Variants in ZFAND6 observed in about 807,000 individuals in gnomAD.
The protein encoded by ZFAND6 is zinc finger AN1-type containing 6, also known as AN1-type zinc finger protein 6.
Under a neutral mutation model 24.5 loss-of-function variants are expected in ZFAND6, and 12 were observed. That is an observed-to-expected ratio of 0.49 (90% CI 0.31 to 0.79). The LOEUF is 0.79. Among genes scored for constraint, ZFAND6 ranks in the 30% least tolerant of loss-of-function variants. ZFAND6 has a pLI of 0.04. For synonymous variants in ZFAND6, 92 were observed against 81.5 expected, an observed-to-expected ratio of 1.13 and a Z score of -0.69; for missense variants, 207 against 245.9, an observed-to-expected ratio of 0.84 and a Z score of 1.06.
At chr15:80,100,287 C>A (rs752401566) in intron 2 of ZFAND6, among the ~76,000 whole-genome samples, 1 of 152,198 alleles carries the variant, frequency 6.6e-6, no homozygotes, top group Non-Finnish European at 1.5e-5. Context: ...ACACCCTTCC[C>A]TCCTCTTTTT....
Position 80,121,834 on chromosome 15 carries a change from T to C in ZFAND6, c.263+14T>C. ...TATGCAGCCCAGGTAAGATGTACTC[T>C]CTGAATTCTAATGAGAATGCTAATA... On this transcript the variant is annotated intron_variant, in intron 4 of 6. Coordinates refer to ENST00000261749, the MANE Select transcript of ZFAND6 (RefSeq NM_019006.4). 6.3e-7 allele frequency: 1 copy of C among 1,593,054 alleles called. No homozygotes were observed. The highest frequency in any genetic ancestry group is 8.6e-7 in the Non-Finnish European group (1 of 1,163,144).
chr15:80,063,945 C>T (rs1460534933), intron 1 of ZFAND6, among the ~76,000 whole-genome samples: 2 of 152,214 alleles, frequency 1.3e-5, no homozygotes, highest in East Asian at 3.9e-4. Context: ...GCCTTGGCCT[C>T]CCAAAGTGCT....
chr15:80,131,836 GC>G (rs2040621163), intron 6 of ZFAND6, among the ~76,000 whole-genome samples: 1 of 152,212 alleles, frequency 6.6e-6, no homozygotes, highest in Non-Finnish European at 1.5e-5. Flanking sequence ...CAGTCAGATT[GC>G]TCTGGGAATT....
At chr15:80,101,776 G>T (rs545697802) in intron 2 of ZFAND6, among the ~76,000 whole-genome samples, 148 of 151,140 alleles carry the variant, frequency 9.8e-4, no homozygotes, top group African/African-American at 3.5e-3. Flanking sequence ...ATTTTCTCTG[G>T]GTTTTATGTA....
intron 2 of ZFAND6, chr15:80,111,312 G>A (rs1332035369): frequency 1.7e-4 from 56 of 337,160 alleles, no homozygotes; most frequent in South Asian, 1.3e-3. Context: ...GCAGGTATTG[G>A]TTCCAGGACC....
At chr15:80,120,610 A>G (rs959574897) in intron 3 of ZFAND6, 112 bp downstream of exon 3, 2 of 927,396 alleles carry the variant, frequency 2.2e-6, no homozygotes, top group South Asian at 4.3e-5. Context: ...TACCATATTC[A>G]TATCAGTAAA....
rs372583733 is a variant in ZFAND6, at chr15:80,119,919, TC to T, written c.-17-407del. Among the ~76,000 whole-genome samples, 20 of 152,348 alleles carry T rather than the reference TC, an allele frequency of 1.3e-4. No individual in the cohort carries two copies. In the East Asian group the frequency reaches 3.7e-3, roughly 28 times the overall value. On this transcript the variant is annotated intron_variant, in intron 2 of 6. Transcript: ENST00000261749. ...AATAACACACATTAGCACATGAACT[TC>T]CAGCAAAAGTTTAAATGCTTAGATA... is the stretch of plus-strand genomic sequence containing the variant.
At chr15:80,116,020 A>G (rs543956962) in intron 2 of ZFAND6, among the ~76,000 whole-genome samples, 145 of 151,876 alleles carry the variant, frequency 9.5e-4, no homozygotes, top group African/African-American at 3.4e-3. Context: ...GCAGTATAGC[A>G]TAGTTGGTGG....
At chr15:80,105,214 A>T (rs1164174781) in intron 2 of ZFAND6, among the ~76,000 whole-genome samples, 1 of 152,264 alleles carries the variant, frequency 6.6e-6, no homozygotes, top group Non-Finnish European at 1.5e-5. Context: ...GTTGCCAGTT[A>T]TCCAGAGTAA....
Position 80,065,984 on chromosome 15 carries a change from A to G in ZFAND6, c.-181+6175A>G, listed in dbSNP as rs11857078. ...TTAAATTTTGATGAGTAATATTTTT[A>G]TGTTTATATATTTAAAAACCCCTGC... is the stretch of plus-strand genomic sequence containing the variant. On this transcript the variant is annotated intron_variant, in intron 1 of 6. Coordinates refer to ENST00000261749, the MANE Select transcript of ZFAND6 (RefSeq NM_019006.4). 1.7e-3 allele frequency among the ~76,000 whole-genome samples: 259 copies of G among 152,232 alleles called. 5 individuals are homozygous for G. Among genetic ancestry groups the G allele is most frequent in the Non-Finnish European group, 1.7e-3 (113 of 68,000 alleles).
intron 6 of ZFAND6, among the ~76,000 whole-genome samples, chr15:80,131,775 G>C (rs1436739408): frequency 6.6e-6 from 1 of 152,216 alleles, no homozygotes; most frequent in Non-Finnish European, 1.5e-5. Flanking sequence ...ATGGTGGTGG[G>C]AGGGAGAAAG....
chr15:80,086,147 T>G (rs2037990479), intron 1 of ZFAND6, among the ~76,000 whole-genome samples: 1 of 152,220 alleles, frequency 6.6e-6, no homozygotes, highest in African/African-American at 2.4e-5. Flanking sequence ...CGAGTGATTC[T>G]CCTGCCTCAG....
chr15:80,080,077 C>T (rs2037563239), intron 1 of ZFAND6, among the ~76,000 whole-genome samples: 1 of 151,896 alleles, frequency 6.6e-6, no homozygotes, highest in South Asian at 2.1e-4. Flanking sequence ...CCAGTCACTG[C>T]AACCACCATC....
In ZFAND6 at chr15:80,065,537, ATTTTTTT is replaced by A. The variant is rs149756891; in HGVS notation, c.-181+5747_-181+5753del. ...GGGCTTCAAATTAGTTTTGGTTTTG[ATTTTTTT>A]TTTTTTTTTTTTTTTTTTGGAGACA... On this transcript the variant is annotated intron_variant, in intron 1 of 6. Coordinates refer to ENST00000261749, the MANE Select transcript of ZFAND6 (RefSeq NM_019006.4). Among the ~76,000 whole-genome samples the A allele has an allele frequency of 2.4e-4, 18 of 76,498 alleles. No homozygotes were observed. In the East Asian group the frequency reaches 2.9e-3, roughly 12 times the overall value. 50.2% of individuals were successfully genotyped at this position (76,498 alleles called of 152,430 possible).
chr15:80,103,789 G>A (rs1461053062), intron 2 of ZFAND6, among the ~76,000 whole-genome samples: 1 of 152,114 alleles, frequency 6.6e-6, no homozygotes, highest in Non-Finnish European at 1.5e-5. Context: ...CAGACACTTA[G>A]GAGAAATAAA....
At chr15:80,129,965 A>T (rs2040524281) in intron 5 of ZFAND6, 1 of 152,382 alleles carries the variant, frequency 6.6e-6, no homozygotes, top group East Asian at 1.9e-4. Context: ...TGGCTGAATC[A>T]TGGAGTACTG....
chr15:80,134,249 C>CA (rs913817899), intron 6 of ZFAND6, among the ~76,000 whole-genome samples: 1 of 152,186 alleles, frequency 6.6e-6, no homozygotes, highest in African/African-American at 2.4e-5. Flanking sequence ...CTCAGCCTCC[C>CA]AAAGTGCTGG....
At chr15:80,065,792 A>G (rs1415285110) in intron 1 of ZFAND6, among the ~76,000 whole-genome samples, 3 of 151,356 alleles carry the variant, frequency 2.0e-5, no homozygotes, top group African/African-American at 7.3e-5. Flanking sequence ...TGATCTACCC[A>G]CCTCGGCCTC....
intron 1 of ZFAND6, among the ~76,000 whole-genome samples, chr15:80,087,278 G>A (rs1250772249): frequency 1.3e-5 from 2 of 152,174 alleles, no homozygotes; most frequent in Non-Finnish European, 2.9e-5. Flanking sequence ...CCCACTAGTC[G>A]TGCTTGGGAA....
Sources: allele counts gnomAD v4.1 joint callset (sites outside exome capture counted in the v4.1 genomes callset), GRCh38; gene constraint gnomAD v4.1.1; transcripts MANE v1.5; gene names NCBI Gene and HGNC (gene_info 2026-07-23, HGNC 2026-07-21).